Variants in ZFYVE21 observed in about 807,000 individuals in gnomAD.
The protein encoded by ZFYVE21 is zinc finger FYVE domain-containing protein 21.
A neutral mutation model predicts 29.5 loss-of-function variants in ZFYVE21; 21 were observed. That is an observed-to-expected ratio of 0.71 (90% CI 0.50 to 1.02). The LOEUF is 1.02. ZFYVE21 is among the 50% of genes least tolerant of loss of function. The pLI, the probability that ZFYVE21 is intolerant of heterozygous loss-of-function variation, is 0.00. For synonymous variants in ZFYVE21, 151 were observed against 133.8 expected (o/e 1.13, Z -0.89); for missense variants, 326 against 335.4 (o/e 0.97, Z 0.22).
chr14:103,723,898 C>G (rs2083897008), intron 1 of ZFYVE21, among the ~76,000 whole-genome samples: 1 of 152,234 alleles, frequency 6.6e-6, no homozygotes, highest in Admixed American at 6.5e-5. Flanking sequence ...CCTGCCTTTG[C>G]AGATTGCAGG....
intron 1 of ZFYVE21, among the ~76,000 whole-genome samples, chr14:103,720,818 A>G (rs570696780): frequency 6.6e-6 from 1 of 151,978 alleles, no homozygotes; most frequent in South Asian, 2.1e-4. Context: ...GATGGGCTTC[A>G]TGATTTCTGT....
chr14:103,717,506 C>T (rs114932899), intron 1 of ZFYVE21, among the ~76,000 whole-genome samples: 8 of 152,330 alleles, frequency 5.3e-5, no homozygotes, highest in African/African-American at 1.9e-4. Context: ...ACTGTGTTCC[C>T]CTCCTTCATT....
At chr14:103,722,027 A>C (rs1247643423) in intron 1 of ZFYVE21, among the ~76,000 whole-genome samples, 1 of 152,216 alleles carries the variant, frequency 6.6e-6, no homozygotes. Context: ...TCCACTGAGC[A>C]TCAGAGCTGC....
intron 1 of ZFYVE21, among the ~76,000 whole-genome samples, chr14:103,723,922 G>A (rs551719437): frequency 2.2e-4 from 33 of 152,360 alleles, no homozygotes; most frequent in Admixed American, 1.8e-3. Flanking sequence ...GCAGGGACAC[G>A]CTGAGGGTGG....
At chr14:103,729,836 T>C in intron 5 of ZFYVE21, 2 of 1,536,304 alleles carry the variant, frequency 1.3e-6, no homozygotes, top group Non-Finnish European at 1.7e-6. Context: ...GGAGCCAGCC[T>C]GCCTCTGAAG....
intron 3 of ZFYVE21, 126 bp from the exon 4 acceptor site, chr14:103,728,782 G>C (rs2083950545): frequency 4.4e-6 from 4 of 905,634 alleles, no homozygotes; most frequent in Non-Finnish European, 6.9e-6. Flanking sequence ...TTAGAACAAA[G>C]CTGTGGTTTG....
At position 103,728,904 on chromosome 14, in the gene ZFYVE21, C is replaced by T; in HGVS notation, c.359-4C>T. The T allele has an allele frequency of 1.2e-6, 2 of 1,613,988 alleles. No homozygotes were observed. Among genetic ancestry groups the T allele is most frequent in the Non-Finnish European group, 1.7e-6 (2 of 1,180,008 alleles). On this transcript the variant is annotated splice_polypyrimidine_tract_variant and splice_region_variant and intron_variant, in intron 3 of 6. Coordinates refer to ENST00000311141, the MANE Select transcript of ZFYVE21 (RefSeq NM_024071.4). ...GTTCTCACGTTTGCTTTTGTGTTCCCAAGGAGCCACCTTCCTCGTCACGTT... is the reference window on the plus strand; with the variant it reads ...GTTCTCACGTTTGCTTTTGTGTTCCTAAGGAGCCACCTTCCTCGTCACGTT...
At chr14:103,721,554 G>A (rs1165735144) in intron 1 of ZFYVE21, among the ~76,000 whole-genome samples, 2 of 152,218 alleles carry the variant, frequency 1.3e-5, no homozygotes, top group Non-Finnish European at 2.9e-5. Context: ...GGCTCCTGGA[G>A]AGCACTTGGG....
intron 1 of ZFYVE21, among the ~76,000 whole-genome samples, chr14:103,718,461 C>T (rs895724815): frequency 3.9e-5 from 6 of 152,198 alleles, no homozygotes; most frequent in African/African-American, 1.4e-4. Flanking sequence ...AAGGCTCTGA[C>T]GCAGAACCAG....
At chr14:103,730,035 CGCA>C (rs2083960434) in intron 5 of ZFYVE21, 1 of 639,640 alleles carries the variant, frequency 1.6e-6, no homozygotes, top group Non-Finnish European at 2.6e-6. Flanking sequence ...ATGAAGATAC[CGCA>C]GCAGATGTAC....
intron 1 of ZFYVE21, chr14:103,726,432 C>A: frequency 5.3e-6 from 1 of 189,458 alleles, no homozygotes; most frequent in East Asian, 1.5e-4. Flanking sequence ...AGTAACAGGA[C>A]CAGGGCTAAA....
Position 103,728,899 on chromosome 14 carries a change from G to A in ZFYVE21, c.359-9G>A, listed in dbSNP as rs761810732. The A allele has an allele frequency of 6.2e-7, 1 of 1,613,988 alleles. No individual in the cohort carries two copies. The highest frequency in any genetic ancestry group is 8.5e-7 in the Non-Finnish European group (1 of 1,180,008). The stretch of plus-strand genomic sequence containing the variant: ...GCCCTGTTCTCACGTTTGCTTTTGT[G>A]TTCCCAAGGAGCCACCTTCCTCGTC... On this transcript the variant is annotated splice_polypyrimidine_tract_variant and intron_variant, in intron 3 of 6. Coordinates refer to ENST00000311141, the MANE Select transcript of ZFYVE21 (RefSeq NM_024071.4).
Position 103,729,114 on chromosome 14 carries a change from G to A in ZFYVE21, c.458G>A (p.Ser153Asn), listed in dbSNP as rs148406990. The A allele has an allele frequency of 4.1e-5, 66 of 1,613,956 alleles. No individual in the cohort carries two copies. The highest frequency in any genetic ancestry group is 5.3e-5 in the Non-Finnish European group (63 of 1,180,042). ...AGATACTTGTTTCTGGATGGAGACAGCCACTATGAAATCGAAATTGTACAC... is the reference window on the plus strand; with the variant it reads ...AGATACTTGTTTCTGGATGGAGACAACCACTATGAAATCGAAATTGTACAC... ...NQRYLFLDGD[S>N]HYEIEIVHIS... Residue 153 changes from serine to asparagine, a missense_variant, in exon 5 of 7, where the codon AGC becomes AAC. By Grantham distance (46) the Ser-to-Asn change is conservative. Coordinates refer to ENST00000311141, the MANE Select transcript of ZFYVE21 (RefSeq NM_024071.4).
At position 103,729,739 on chromosome 14, in the gene ZFYVE21, C is replaced by T. The variant is rs1479757102; in HGVS notation, c.526+557C>T. The stretch of plus-strand genomic sequence containing the variant: ...CCATGTTGCTTTCCTTCCGTTCTCT[C>T]ACCGGCTCTTGGTTGCTCCTTCTCG... On this transcript the variant is annotated intron_variant, in intron 5 of 6. Coordinates refer to ENST00000311141, the MANE Select transcript of ZFYVE21 (RefSeq NM_024071.4). 4 of 1,532,506 alleles carry T rather than the reference C, an allele frequency of 2.6e-6. No individual in the cohort carries two copies. The East Asian group carries it at 9.8e-5, about 37-fold the overall frequency. 94.9% of individuals were successfully genotyped at this position (1,532,506 alleles called of 1,614,324 possible). A position where few individuals can be genotyped will look rare whatever the true frequency, so the allele number is the denominator to read the frequency against.
At position 103,727,748 on chromosome 14, in the gene ZFYVE21, C is replaced by T; in HGVS notation, c.192C>T (p.His64=). Residue 64 remains histidine, a splice_region_variant and synonymous_variant, in exon 3 of 7, where the codon CAC becomes CAT. Transcript: ENST00000311141. ...CCAATCCTCCCGCATCTGCCCAGCA[C>T]CACTGTCGCCGCTGCGGGAAGTGCT... ...DAKFDFLTRK[H]HCRRCGKCFC... 6.2e-7 allele frequency: 1 copy of T among 1,606,832 alleles called. No homozygotes were observed.
chr14:103,727,771 G>T lies in ZFYVE21; in HGVS notation c.215G>T (p.Cys72Phe). Residue 72 changes from cysteine to phenylalanine, a missense_variant, in exon 3 of 7, where the codon TGC (cysteine) becomes TTC (phenylalanine). Transcript: ENST00000311141. ...CACCACTGTCGCCGCTGCGGGAAGT[G>T]CTTCTGCGACAGGTGCTGCAGCCAG... ...RKHHCRRCGKCFCDRCCSQKV... is the reference protein window; with the variant it reads ...RKHHCRRCGKFFCDRCCSQKV... The T allele has an allele frequency of 6.2e-7, 1 of 1,610,630 alleles. No individual in the cohort carries two copies.
intron 2 of ZFYVE21, 54 bp from the exon 3 acceptor site, chr14:103,727,692 G>A: frequency 1.3e-6 from 2 of 1,590,362 alleles, no homozygotes; most frequent in African/African-American, 1.3e-5. Context: ...GGCCACACCC[G>A]GGGCCGCTTG....
chr14:103,727,809 C>T lies in ZFYVE21; in HGVS notation c.253C>T (p.Arg85Trp), dbSNP rs758635063. ...DRCCSQKVPL[R>W]RMCFVDPVRQ... is the part of the protein sequence containing the mutation. ...GTGCTGCAGCCAGAAGGTGCCGCTG[C>T]GGCGCATGTGCTTTGTGGACCCCGT... Residue 85 changes from arginine to tryptophan, a missense_variant, in exon 3 of 7, where the codon CGG becomes TGG. By Grantham distance (101) the Arg-to-Trp change is moderately radical (BLOSUM62 -3). Coordinates refer to ENST00000311141, the MANE Select transcript of ZFYVE21 (RefSeq NM_024071.4). 25 of 1,612,684 alleles carry T rather than the reference C, an allele frequency of 1.6e-5. No homozygotes were observed. The highest frequency in any genetic ancestry group is 3.3e-5 in the South Asian group (3 of 91,084).
chr14:103,717,611 C>T (rs946821332), intron 1 of ZFYVE21, among the ~76,000 whole-genome samples: 3 of 152,234 alleles, frequency 2.0e-5, no homozygotes, highest in African/African-American at 7.2e-5. Flanking sequence ...GTGGCAGTCC[C>T]GCGGTGACTT....
Sources: allele counts gnomAD v4.1 joint callset (sites outside exome capture counted in the v4.1 genomes callset), GRCh38; gene constraint gnomAD v4.1.1; transcripts MANE v1.5; gene names NCBI Gene and HGNC (gene_info 2026-07-23, HGNC 2026-07-21).